Variants in DCDC2B observed in about 807,000 individuals in gnomAD.
The protein encoded by DCDC2B is doublecortin domain-containing protein 2B.
Under a neutral mutation model 38.9 loss-of-function variants are expected in DCDC2B, and 41 were observed. The observed-to-expected ratio is 1.05, with a 90% confidence interval of 0.82 to 1.37. DCDC2B has a LOEUF of 1.37. Ranked by LOEUF, DCDC2B falls within the 40% of genes most tolerant of loss-of-function variation. DCDC2B has a pLI of 0.00. For synonymous variants in DCDC2B, 181 were observed against 171.9 expected (o/e 1.05, Z -0.41); for missense variants, 453 against 427.2 (o/e 1.06, Z -0.53).
At position 32,211,303 on chromosome 1, in the gene DCDC2B, G is replaced by C; in HGVS notation, c.298G>C (p.Gly100Arg). ...ACCCCATAGAGGGAAGGACCCAGGT[G>C]GGAAGAGCTGCAGACTACAAGTGAG... is the stretch of plus-strand genomic sequence containing the variant. ...YLPHRGKDPG[G>R]KSCRLQGPPV... Residue 100 changes from glycine (G) to arginine (R), a missense_variant, in exon 2 of 9, where the codon GGG becomes CGG. Gly to Arg is a moderately radical substitution (Grantham distance 125). Transcript: ENST00000409358. The C allele has an allele frequency of 6.2e-7, 1 of 1,613,910 alleles. No homozygotes were observed. The highest frequency in any genetic ancestry group is 8.5e-7 in the Non-Finnish European group (1 of 1,179,856).
chr1:32,211,873 T>A (rs1176409766), intron 3 of DCDC2B, 36 bp downstream of exon 3: 1 of 1,581,630 alleles, frequency 6.3e-7, no homozygotes, highest in African/African-American at 1.3e-5. Context: ...GGTGTTGATG[T>A]TTGTTTTAGT....
Position 32,209,303 on chromosome 1 carries a change from C to G in DCDC2B, c.210C>G (p.Asp70Glu). 4 of 1,614,014 alleles carry G rather than the reference C, an allele frequency of 2.5e-6. No individual in the cohort carries two copies. Among genetic ancestry groups the G allele is most frequent in the Non-Finnish European group, 3.4e-6 (4 of 1,179,904 alleles). Residue 70 changes from aspartate (D) to glutamate (E), a missense_variant, in exon 1 of 9, where the codon GAC (aspartate) becomes GAG (glutamate). By Grantham distance (45) the Asp-to-Glu change is conservative. Transcript: ENST00000409358. The stretch of plus-strand genomic sequence containing the variant: ...GCCACCCTGTCACCAACCTGGCAGA[C>G]TTGAAGAACAGAGGGCAGTATGTGG... Reference protein sequence around the residue: ...CHGHPVTNLADLKNRGQYVAA... With the variant: ...CHGHPVTNLAELKNRGQYVAA...
chr1:32,215,566 A>G (rs1389218894), intron 8 of DCDC2B, 23 bp downstream of exon 8: 2 of 1,607,664 alleles, frequency 1.2e-6, no homozygotes, highest in East Asian at 4.5e-5. Context: ...ATCAGGAAAC[A>G]GTATGTTGGG....
At chr1:32,213,191 C>A (rs1234549733) in intron 6 of DCDC2B, among the ~76,000 whole-genome samples, 4 of 149,682 alleles carry the variant, frequency 2.7e-5, no homozygotes, top group African/African-American at 1.0e-4. Flanking sequence ...CCACCGTGCC[C>A]GGCCTCCTTT....
Position 32,215,794 on chromosome 1 carries a change from T to C in DCDC2B, c.955-8T>C. ...GCTCCATTCTGTATGGCCTTCCACC[T>C]CCTGCAGAGGGCAGCACAGATAGTG... is the stretch of plus-strand genomic sequence containing the variant. On this transcript the variant is annotated splice_polypyrimidine_tract_variant and splice_region_variant and intron_variant, in intron 8 of 8. Transcript: ENST00000409358. 6.5e-7 allele frequency: 1 copy of C among 1,548,532 alleles called. No individual in the cohort carries two copies. The highest frequency in any genetic ancestry group is 8.7e-7 in the Non-Finnish European group (1 of 1,145,020).
chr1:32,211,593 T>C (rs1433633628), intron 2 of DCDC2B, among the ~76,000 whole-genome samples, 168 bp from the exon 3 acceptor site: 1 of 152,090 alleles, frequency 6.6e-6, no homozygotes, highest in African/African-American at 2.4e-5. Context: ...GAATGTGACT[T>C]AGGGAACATC....
intron 3 of DCDC2B, 115 bp from the exon 4 acceptor site, chr1:32,211,954 AT>A: frequency 6.5e-7 from 1 of 1,538,102 alleles, no homozygotes; most frequent in South Asian, 1.2e-5. Flanking sequence ...GAAGTCCAGC[AT>A]GCTTGATGGG....
chr1:32,215,254 G>A, intron 7 of DCDC2B, 186 bp from the exon 8 acceptor site: 2 of 611,384 alleles, frequency 3.3e-6, no homozygotes, highest in Non-Finnish European at 5.7e-6. Context: ...AGACTTCAGG[G>A]GTGGGATATA....
intron 6 of DCDC2B, 118 bp from the exon 7 acceptor site, chr1:32,214,679 C>G: frequency 7.0e-7 from 1 of 1,420,714 alleles, no homozygotes; most frequent in Non-Finnish European, 9.5e-7. Flanking sequence ...TGAAGACAGA[C>G]GGTGTCTCCT....
In DCDC2B at chr1:32,209,463, T is replaced by A. The variant is rs182469374; in HGVS notation, c.266+104T>A. 4.1e-5 allele frequency: 61 copies of A among 1,492,370 alleles called. No homozygotes were observed. In the East Asian group the frequency reaches 1.3e-3, roughly 31 times the overall value. The allele number at this position is 1,492,370 out of a possible 1,614,324, so 92.4% of individuals were successfully genotyped here. A position where few individuals can be genotyped will look rare whatever the true frequency, so the allele number is the denominator to read the frequency against. On this transcript the variant is annotated intron_variant, in intron 1 of 8. Coordinates refer to ENST00000409358, the MANE Select transcript of DCDC2B (RefSeq NM_001099434.2). ...GTACCAGCATGTTACTGGTACTTACTGAACTCTATGTAGGGGGGGTGGTTT... is the reference window on the plus strand; with the variant it reads ...GTACCAGCATGTTACTGGTACTTACAGAACTCTATGTAGGGGGGGTGGTTT...
chr1:32,215,053 GAAAA>G, intron 7 of DCDC2B, 121 bp downstream of exon 7: 27 of 1,051,606 alleles, frequency 2.6e-5, no homozygotes, highest in Middle Eastern at 3.1e-4. Flanking sequence ...GCCGGCACTG[GAAAA>G]AAAAAAAAAA....
Position 32,214,903 on chromosome 1 carries a change from G to GCAA in DCDC2B, c.822_824dup (p.Ser274_Lys275insAsn), listed in dbSNP as rs767767584. On this transcript the variant is annotated inframe_insertion, in exon 7 of 9. Coordinates refer to ENST00000409358, the MANE Select transcript of DCDC2B (RefSeq NM_001099434.2). ...CCCCAGCAGACCATTCAGCCAAGAA[G>GCAA]CAAGCTCCCCACACTCTCATTCCCA... 5.6e-6 allele frequency: 9 copies of GCAA among 1,613,972 alleles called. No individual in the cohort carries two copies. In the South Asian group the frequency reaches 9.9e-5, roughly 18 times the overall value.
chr1:32,214,475 G>C, intron 6 of DCDC2B: 2 of 297,986 alleles, frequency 6.7e-6, no homozygotes, highest in East Asian at 1.4e-4. Flanking sequence ...GGCACAGCAG[G>C]GTCCAAGGGA....
At chr1:32,213,937 C>T (rs1643690393) in intron 6 of DCDC2B, among the ~76,000 whole-genome samples, 1 of 151,816 alleles carries the variant, frequency 6.6e-6, no homozygotes, top group Admixed American at 6.6e-5. Context: ...CAGTCGTGAG[C>T]CACCTCGCCT....
In DCDC2B at chr1:32,215,785, C is replaced by T. The variant is rs1375444045; in HGVS notation, c.955-17C>T. 32 of 1,540,630 alleles carry T rather than the reference C, an allele frequency of 2.1e-5. No homozygotes were observed. Among genetic ancestry groups the T allele is most frequent in the Non-Finnish European group, 2.5e-5 (29 of 1,138,832 alleles). ...ATACTCACGGCTCCATTCTGTATGG[C>T]CTTCCACCTCCTGCAGAGGGCAGCA... On this transcript the variant is annotated splice_polypyrimidine_tract_variant and intron_variant, in intron 8 of 8. Coordinates refer to ENST00000409358, the MANE Select transcript of DCDC2B (RefSeq NM_001099434.2).
intron 8 of DCDC2B, 72 bp from the exon 9 acceptor site, chr1:32,215,730 G>T: frequency 7.7e-7 from 1 of 1,291,888 alleles, no homozygotes; most frequent in South Asian, 1.4e-5. Context: ...TGGGGTTGGG[G>T]ACCTCCTGGC....
At chr1:32,212,318 C>T in intron 4 of DCDC2B, 117 bp downstream of exon 4, 1 of 1,541,668 alleles carries the variant, frequency 6.5e-7, no homozygotes, top group Non-Finnish European at 8.8e-7. Flanking sequence ...ATGGGACTTC[C>T]CCCTATGCCA....
rs1643580173 is a variant in DCDC2B at position 32,211,447 on chromosome 1, A to G, written c.318+124A>G. 3.1e-6 allele frequency: 3 copies of G among 963,134 alleles called. No homozygotes were observed. In the Admixed American group the frequency reaches 7.3e-5, roughly 23 times the overall value. The allele number at this position is 963,134 out of a possible 1,614,324, so 59.7% of individuals were successfully genotyped here. A position where few individuals can be genotyped will look rare whatever the true frequency, so the allele number is the denominator to read the frequency against. On this transcript the variant is annotated intron_variant, in intron 2 of 8. Coordinates refer to ENST00000409358, the MANE Select transcript of DCDC2B (RefSeq NM_001099434.2). ...TGCCAGTTCCAGGGGGGTACTTTGG[A>G]GCCAGCTACTATCTTTCCTGGGGCG...
rs1270154162 is a variant in DCDC2B, at chr1:32,214,605, C to T, written c.715-192C>T. ...GGCATCGAGGAGTGCCAGGCATCTA[C>T]TGCTCTGTCCCTGGATAAGTCAGGC... On this transcript the variant is annotated intron_variant, in intron 6 of 8. Coordinates refer to ENST00000409358, the MANE Select transcript of DCDC2B (RefSeq NM_001099434.2). 5.1e-5 allele frequency: 36 copies of T among 710,656 alleles called. No homozygotes were observed. In the Admixed American group the frequency reaches 9.7e-4, roughly 19 times the overall value. The allele number at this position is 710,656 out of a possible 1,614,324, so 44.0% of individuals were successfully genotyped here.
Sources: allele counts gnomAD v4.1 joint callset (sites outside exome capture counted in the v4.1 genomes callset), GRCh38; gene constraint gnomAD v4.1.1; transcripts MANE v1.5; gene names NCBI Gene and HGNC (gene_info 2026-07-23, HGNC 2026-07-21).